The following SLC22A3 variants were observed in gnomAD, a reference collection of about 807,000 sequenced individuals.
The protein encoded by SLC22A3 is solute carrier family 22 member 3, also known as EMT organic cation transporter 3.
In SLC22A3, 51 loss-of-function variants were observed where a neutral mutation model predicts 59.1. The ratio of observed to expected loss-of-function variants is 0.86; its 90% CI spans 0.69 to 1.09. The LOEUF (loss-of-function observed/expected upper bound fraction) is 1.09. SLC22A3 is among the 50% of genes least tolerant of loss of function. The probability of loss-of-function intolerance (pLI) is 0.00; values close to 1 mark genes in which losing one functional copy is unlikely to be tolerated. For missense variants in SLC22A3, 711 were observed against 726.3 expected, an observed-to-expected ratio of 0.98 and a Z score of 0.24; for synonymous variants, 325 against 292.0, an observed-to-expected ratio of 1.11 and a Z score of -1.15.
chr6:160,394,636 C>T (rs1786398934), intron 1 of SLC22A3, among the ~76,000 whole-genome samples: 1 of 152,180 alleles, frequency 6.6e-6, no homozygotes, highest in Non-Finnish European at 1.5e-5. Context: ...TGAAAGATGG[C>T]AAGATCCCAG....
intron 5 of SLC22A3, among the ~76,000 whole-genome samples, chr6:160,430,933 T>G (rs1788129164): frequency 6.6e-6 from 1 of 151,278 alleles, no homozygotes; most frequent in African/African-American, 2.4e-5. Context: ...GAGCCCAGAG[T>G]GGGGGGAGGG....
chr6:160,425,963 G>A (rs1297477297), intron 5 of SLC22A3: 16 of 985,414 alleles, frequency 1.6e-5, no homozygotes, highest in Middle Eastern at 5.2e-4. Context: ...TGGCTGATAC[G>A]TAAGAGAATC....
At chr6:160,370,251 T>A (rs981142646) in intron 1 of SLC22A3, among the ~76,000 whole-genome samples, 13 of 152,326 alleles carry the variant, frequency 8.5e-5, no homozygotes, top group Admixed American at 7.8e-4. Flanking sequence ...GGGAATTAGA[T>A]GCCATTTCCT....
At chr6:160,363,777 GC>G (rs1435768115) in intron 1 of SLC22A3, among the ~76,000 whole-genome samples, 2 of 152,032 alleles carry the variant, frequency 1.3e-5, no homozygotes, top group South Asian at 2.1e-4. Flanking sequence ...ACATGTCCCT[GC>G]CCCCAGCACA....
rs571230778 is a variant in SLC22A3 at position 160,373,857 on chromosome 6, C to G, written c.430-24122C>G. Among the ~76,000 whole-genome samples, 11 of 152,286 alleles carry G rather than the reference C, an allele frequency of 7.2e-5. No individual in the cohort carries two copies. In the South Asian group the frequency reaches 2.3e-3, roughly 32 times the overall value. On this transcript the variant is annotated intron_variant, in intron 1 of 10. Transcript: ENST00000275300. ...CCTCAGTAATGATGGACACCCCTCC[C>G]CCACCAAGCTCGAGTGTCCCAGGTC...
chr6:160,423,429 C>G (rs559561317), intron 5 of SLC22A3, among the ~76,000 whole-genome samples: 1 of 152,216 alleles, frequency 6.6e-6, no homozygotes, highest in Non-Finnish European at 1.5e-5. Flanking sequence ...AATGGTTGAA[C>G]TAGTTTACAG....
Position 160,450,267 on chromosome 6 carries a change from TA to T in SLC22A3, c.1611-727del, listed in dbSNP as rs1214339557. 7.2e-5 allele frequency among the ~76,000 whole-genome samples: 11 copies of T among 152,176 alleles called. No homozygotes were observed. In the South Asian group the frequency reaches 1.9e-3, roughly 26 times the overall value. On this transcript the variant is annotated intron_variant, in intron 10 of 10. Coordinates refer to ENST00000275300, the MANE Select transcript of SLC22A3 (RefSeq NM_021977.4). ...GGAACGCATTCCTTTCCCAGGGTCT[TA>T]ATTATTAATATTCCTTGCTAGGAAA...
chr6:160,447,147 T>C (rs1788774850), intron 9 of SLC22A3, among the ~76,000 whole-genome samples: 1 of 151,728 alleles, frequency 6.6e-6, no homozygotes, highest in Non-Finnish European at 1.5e-5. Flanking sequence ...TGAGGTGAGA[T>C]TGAGAGAAGG....
At chr6:160,378,774 T>C (rs1423423204) in intron 1 of SLC22A3, among the ~76,000 whole-genome samples, 1 of 152,198 alleles carries the variant, frequency 6.6e-6, no homozygotes, top group African/African-American at 2.4e-5. Context: ...CGGGCAAAAT[T>C]ATCTAACACA....
intron 1 of SLC22A3, among the ~76,000 whole-genome samples, chr6:160,385,683 C>G (rs1037716854): frequency 1.6e-4 from 24 of 152,176 alleles, no homozygotes; most frequent in African/African-American, 5.6e-4. Flanking sequence ...GCCTTCCAGC[C>G]GACGCAGGAG....
At chr6:160,404,615 A>C (rs201477137) in intron 2 of SLC22A3, among the ~76,000 whole-genome samples, 1 of 152,124 alleles carries the variant, frequency 6.6e-6, no homozygotes, top group South Asian at 2.1e-4. Context: ...ATGTAGAGAC[A>C]AAAGACCCAG....
chr6:160,413,832 G>A (rs796291235), intron 5 of SLC22A3, among the ~76,000 whole-genome samples: 18 of 152,294 alleles, frequency 1.2e-4, no homozygotes, highest in African/African-American at 4.3e-4. Flanking sequence ...CCACTTCCCT[G>A]ATTGTCCTAC....
intron 2 of SLC22A3, among the ~76,000 whole-genome samples, chr6:160,400,573 A>G (rs1464202587): frequency 6.6e-6 from 1 of 152,056 alleles, no homozygotes; most frequent in East Asian, 1.9e-4. Flanking sequence ...ACATTACTAA[A>G]GGTCTATTTA....
At chr6:160,437,989 C>T (rs371364031) in intron 7 of SLC22A3, among the ~76,000 whole-genome samples, 1 of 152,116 alleles carries the variant, frequency 6.6e-6, no homozygotes, top group African/African-American at 2.4e-5. Flanking sequence ...GCAGGTGGTC[C>T]TGTGAGCTTG....
chr6:160,405,327 G>T (rs1462152651), intron 2 of SLC22A3, among the ~76,000 whole-genome samples: 1 of 152,022 alleles, frequency 6.6e-6, no homozygotes, highest in African/African-American at 2.4e-5. Flanking sequence ...TATATCATCA[G>T]GGAAATGCCC....
chr6:160,449,753 G>C (rs1331204396), intron 10 of SLC22A3, among the ~76,000 whole-genome samples: 11 of 152,168 alleles, frequency 7.2e-5, no homozygotes, highest in African/African-American at 2.7e-4. Flanking sequence ...GTGTTGGCCA[G>C]CTGAGAAATA....
intron 1 of SLC22A3, among the ~76,000 whole-genome samples, chr6:160,362,121 G>A (rs1785032141): frequency 6.6e-6 from 1 of 152,196 alleles, no homozygotes; most frequent in Non-Finnish European, 1.5e-5. Context: ...GCAAAACAGG[G>A]ATGAACAATG....
intron 2 of SLC22A3, among the ~76,000 whole-genome samples, chr6:160,402,255 G>A (rs936821914): frequency 6.6e-6 from 1 of 151,948 alleles, no homozygotes; most frequent in African/African-American, 2.4e-5. Context: ...TATCAGCAGA[G>A]CAGACTTCAG....
chr6:160,382,023 A>G (rs923654962), intron 1 of SLC22A3, among the ~76,000 whole-genome samples: 10 of 152,224 alleles, frequency 6.6e-5, no homozygotes, highest in African/African-American at 2.4e-4. Context: ...CATTTCCTAT[A>G]ATTTTTAAAT....
Sources: gnomAD v4.1 joint callset for allele counts (sites outside exome capture counted in the v4.1 genomes callset) on GRCh38, gnomAD v4.1.1 for gene constraint, MANE v1.5 for transcripts, NCBI Gene and HGNC (gene_info 2026-07-23, HGNC 2026-07-21) for gene names.